Variants in MTCL3 observed in about 807,000 individuals in gnomAD.
MTCL3 encodes the protein microtubule cross-linking factor 3.
chr6:127,476,183 G>C, the MTCL3 span: 1 of 1,614,170 alleles, frequency 6.2e-7, no homozygotes, highest in East Asian at 2.2e-5. This position sits in a 1 kb window ranked among gnomAD's most constrained non-coding sequence, Gnocchi z 4.4. Context: ...TCCGCCTTCA[G>C]GCCTCTGTTC....
the MTCL3 span, chr6:127,473,073 T>A: frequency 7.1e-5 from 80 of 1,125,612 alleles, 1 homozygote; most frequent in East Asian, 2.2e-3. Context: ...ATGTCACACT[T>A]TCTTACCTGA....
the MTCL3 span, among the ~76,000 whole-genome samples, chr6:127,495,114 A>G: frequency 0.14 from 20,886 of 151,678 alleles, 2,254 homozygotes; most frequent in East Asian, 0.64. Context: ...GGAGAATGTC[A>G]TGAACCTAGG....
At chr6:127,510,679 T>G in the MTCL3 span, among the ~76,000 whole-genome samples, 1 of 152,216 alleles carries the variant, frequency 6.6e-6, no homozygotes, top group Non-Finnish European at 1.5e-5. Context: ...TACTTGAATG[T>G]TTACAATTTA....
chr6:127,499,749 T>C, the MTCL3 span, among the ~76,000 whole-genome samples: 1 of 152,202 alleles, frequency 6.6e-6, no homozygotes, highest in Non-Finnish European at 1.5e-5. Flanking sequence ...CTGCAAACTT[T>C]ACCCAGGCTT....
the MTCL3 span, among the ~76,000 whole-genome samples, chr6:127,507,858 A>AAG: frequency 7.8e-6 from 1 of 127,734 alleles, no homozygotes; most frequent in South Asian, 2.4e-4. Context: ...AAAAAAAAAA[A>AAG]AAAAAAAAAA....
At chr6:127,510,045 T>C in the MTCL3 span, among the ~76,000 whole-genome samples, 9 of 152,190 alleles carry the variant, frequency 5.9e-5, no homozygotes, top group Non-Finnish European at 1.0e-4. Context: ...TCCAGATGTT[T>C]ATCTTCCACT....
At chr6:127,476,935 C>A in the MTCL3 span, among the ~76,000 whole-genome samples, 2 of 152,176 alleles carry the variant, frequency 1.3e-5, no homozygotes, top group African/African-American at 4.8e-5. This position sits in a 1 kb window ranked among gnomAD's most constrained non-coding sequence, Gnocchi z 4.4. Flanking sequence ...TCAGAGTAAA[C>A]TTAGGAGTAG....
At chr6:127,477,907 A>G in the MTCL3 span, among the ~76,000 whole-genome samples, 1 of 152,204 alleles carries the variant, frequency 6.6e-6, no homozygotes, top group African/African-American at 2.4e-5. Context: ...GCTGAGTCCC[A>G]AACTCATATT....
chr6:127,476,464 T>A, the MTCL3 span: 1 of 1,575,696 alleles, frequency 6.3e-7, no homozygotes, highest in Non-Finnish European at 8.6e-7. The surrounding 1 kb of genome is among the most constrained non-coding windows in gnomAD (Gnocchi z 4.4). Context: ...ATCTTCATTG[T>A]CCTCCTCATT....
the MTCL3 span, among the ~76,000 whole-genome samples, chr6:127,479,628 C>T: frequency 1.3e-5 from 2 of 152,146 alleles, no homozygotes; most frequent in Non-Finnish European, 2.9e-5. Flanking sequence ...TGTATGTAAG[C>T]GCTCCTGCCC....
chr6:127,499,422 A>G, the MTCL3 span, among the ~76,000 whole-genome samples: 1 of 152,208 alleles, frequency 6.6e-6, no homozygotes, highest in Non-Finnish European at 1.5e-5. Flanking sequence ...AAAATTATCT[A>G]AGGCCACAGA....
chr6:127,516,386 G>T, the MTCL3 span: 10 of 1,600,374 alleles, frequency 6.2e-6, no homozygotes, highest in South Asian at 9.9e-5. Flanking sequence ...TGTTGCTGCT[G>T]CTGCAGCTGC....
the MTCL3 span, among the ~76,000 whole-genome samples, chr6:127,474,799 G>A: frequency 2.0e-5 from 3 of 152,038 alleles, no homozygotes; most frequent in African/African-American, 4.8e-5. Flanking sequence ...GGCTGGACTC[G>A]AACTCCTGAG....
At chr6:127,516,457 G>C in the MTCL3 span, 5 of 1,599,908 alleles carry the variant, frequency 3.1e-6, no homozygotes, top group Non-Finnish European at 4.2e-6. Flanking sequence ...GGCCGCGATT[G>C]TCTGTCGCAG....
the MTCL3 span, among the ~76,000 whole-genome samples, chr6:127,507,391 G>C: frequency 1.9e-4 from 29 of 152,220 alleles, no homozygotes; most frequent in African/African-American, 6.3e-4. Context: ...TATAATAAAA[G>C]CTCATTATAT....
chr6:127,482,982 T>A, the MTCL3 span: 3 of 1,603,504 alleles, frequency 1.9e-6, no homozygotes, highest in East Asian at 6.7e-5. The surrounding 1 kb of genome is among the most constrained non-coding windows in gnomAD (Gnocchi z 4.1). Context: ...TTTTTAAGGA[T>A]AACTGAAACA....
the MTCL3 span, chr6:127,516,465 C>T: frequency 1.9e-6 from 3 of 1,599,814 alleles, no homozygotes; most frequent in Non-Finnish European, 2.5e-6. Flanking sequence ...TTGTCTGTCG[C>T]AGCGAACTGT....
the MTCL3 span, among the ~76,000 whole-genome samples, chr6:127,477,883 C>G: frequency 2.0e-5 from 3 of 152,104 alleles, no homozygotes; most frequent in Admixed American, 1.3e-4. Flanking sequence ...TGACAGAGCA[C>G]AGTCTATATT....
At chr6:127,476,331 C>T in the MTCL3 span, 2 of 1,614,190 alleles carry the variant, frequency 1.2e-6, no homozygotes, top group Non-Finnish European at 1.7e-6. This position sits in a 1 kb window ranked among gnomAD's most constrained non-coding sequence, Gnocchi z 4.4. Flanking sequence ...TGTCCAGATC[C>T]CCATAAAAGG....
Sources: gnomAD v4.1 joint callset for allele counts (sites outside exome capture counted in the v4.1 genomes callset) on GRCh38, gnomAD v4.1.1 for gene constraint, Gnocchi (gnomAD v3.1) non-coding constraint, MANE v1.5 for transcripts, NCBI Gene and HGNC (gene_info 2026-07-23, HGNC 2026-07-21) for gene names.